Variants in KPNA6 observed in about 807,000 individuals in gnomAD.
KPNA6 encodes the protein importin subunit alpha-7.
Under a neutral mutation model 72.0 loss-of-function variants are expected in KPNA6, and 9 were observed. The ratio of observed to expected loss-of-function variants is 0.13; its 90% CI spans 0.08 to 0.22. The LOEUF (loss-of-function observed/expected upper bound fraction) is 0.22, where lower values mean the gene tolerates loss of function less well. Ranked by LOEUF, KPNA6 falls within the 10% of genes least tolerant of loss-of-function variation. The pLI is 1.00. For synonymous variants in KPNA6, 219 were observed against 242.1 expected, an observed-to-expected ratio of 0.90 and a Z score of 0.89; for missense variants, 374 against 655.7, an observed-to-expected ratio of 0.57 and a Z score of 4.69.
At chr1:32,153,129 A>G (rs1157494780) in intron 1 of KPNA6, among the ~76,000 whole-genome samples, 1 of 152,084 alleles carries the variant, frequency 6.6e-6, no homozygotes, top group Non-Finnish European at 1.5e-5. Flanking sequence ...GAGAAGACTC[A>G]ATGAAGCTAA....
chr1:32,145,228 G>T (rs996998837), intron 1 of KPNA6, among the ~76,000 whole-genome samples: 1 of 149,540 alleles, frequency 6.7e-6, no homozygotes, highest in African/African-American at 2.5e-5. Flanking sequence ...CAAAGTGCTG[G>T]GATTACAGAT....
At chr1:32,135,523 G>A (rs1641719015) in intron 1 of KPNA6, among the ~76,000 whole-genome samples, 1 of 150,780 alleles carries the variant, frequency 6.6e-6, no homozygotes, top group Admixed American at 6.6e-5. Context: ...TTTAGAGGCA[G>A]GGTCTAATTA....
intron 1 of KPNA6, among the ~76,000 whole-genome samples, chr1:32,133,708 A>G (rs1449099074): frequency 6.6e-6 from 1 of 151,966 alleles, no homozygotes; most frequent in Non-Finnish European, 1.5e-5. Context: ...ACAAAAAAGC[A>G]AAGTGCTGAA....
At position 32,148,647 on chromosome 1, in the gene KPNA6, T is replaced by TC. The variant is rs1446326892; in HGVS notation, c.5-5938dup. Among the ~76,000 whole-genome samples, 7 of 140,172 alleles carry TC rather than the reference T, an allele frequency of 5.0e-5. No individual in the cohort carries two copies. In the East Asian group the frequency reaches 1.4e-3, roughly 28 times the overall value. 92.0% of individuals were successfully genotyped at this position (140,172 alleles called of 152,430 possible). The stretch of plus-strand genomic sequence containing the variant: ...ATCTCGGCTCACTGCAACCTCCACC[T>TC]CCCGGGTTCAAGCAATTCTCCTGCC... On this transcript the variant is annotated intron_variant, in intron 1 of 13. Transcript: ENST00000373625.
intron 1 of KPNA6, among the ~76,000 whole-genome samples, chr1:32,153,571 C>CAAAAA (rs554895996): frequency 1.2e-4 from 7 of 60,468 alleles, no homozygotes; most frequent in African/African-American, 3.5e-4. Context: ...AACTCTGTCT[C>CAAAAA]AAAAAAAAAA....
At chr1:32,117,239 C>G (rs1641342719) in intron 1 of KPNA6, among the ~76,000 whole-genome samples, 1 of 151,084 alleles carries the variant, frequency 6.6e-6, no homozygotes, top group Admixed American at 6.6e-5. Context: ...GTGGCACGAT[C>G]TTGGCTCACT....
At chr1:32,154,473 G>T in intron 1 of KPNA6, 115 bp from the exon 2 acceptor site, 1 of 1,079,972 alleles carries the variant, frequency 9.3e-7, no homozygotes, top group Non-Finnish European at 1.3e-6. Context: ...AGCTCCCAGA[G>T]AGCTGTATTC....
At chr1:32,155,848 T>A (rs1553130201) in intron 2 of KPNA6, among the ~76,000 whole-genome samples, 1 of 151,344 alleles carries the variant, frequency 6.6e-6, no homozygotes, top group Non-Finnish European at 1.5e-5. Context: ...CAAGTGATCC[T>A]TCTTCCTCAG....
At chr1:32,134,040 C>T (rs1252504135) in intron 1 of KPNA6, among the ~76,000 whole-genome samples, 2 of 151,896 alleles carry the variant, frequency 1.3e-5, no homozygotes, top group African/African-American at 2.4e-5. Flanking sequence ...GTCAGTAGTT[C>T]GAGACCAGCC....
intron 1 of KPNA6, among the ~76,000 whole-genome samples, chr1:32,121,250 T>TA (rs1641428903): frequency 6.6e-6 from 1 of 152,142 alleles, no homozygotes; most frequent in African/African-American, 2.4e-5. Flanking sequence ...TGGTAGGGAA[T>TA]AAGAGAGTTA....
chr1:32,140,102 A>G (rs1322568948), intron 1 of KPNA6, among the ~76,000 whole-genome samples: 1 of 152,152 alleles, frequency 6.6e-6, no homozygotes, highest in African/African-American at 2.4e-5. Flanking sequence ...ATATAAGAAG[A>G]AGGTCCTGGG....
At chr1:32,140,892 A>G (rs1216139755) in intron 1 of KPNA6, among the ~76,000 whole-genome samples, 2 of 152,216 alleles carry the variant, frequency 1.3e-5, no homozygotes, top group African/African-American at 4.8e-5. Context: ...ATGTTTTCTT[A>G]TGGCATCTTT....
rs763949374 is a variant in KPNA6 at position 32,117,478 on chromosome 1, G to GTT, written c.4+9356_4+9357dup. Among the ~76,000 whole-genome samples, 276 of 140,688 alleles carry GTT rather than the reference G, an allele frequency of 2.0e-3. 2 individuals are homozygous for GTT. The highest frequency in any genetic ancestry group is 5.8e-3 in the African/African-American group (217 of 37,608). The allele number at this position is 140,688 out of a possible 152,430, so 92.3% of individuals were successfully genotyped here. A position where few individuals can be genotyped will look rare whatever the true frequency, so the allele number is the denominator to read the frequency against. On this transcript the variant is annotated intron_variant, in intron 1 of 13. Coordinates refer to ENST00000373625, the MANE Select transcript of KPNA6 (RefSeq NM_012316.5). Reference sequence around the variant, plus strand: ...TGAGCCACTGCGCCCGGCCCAATTTGTTTTTTTTTTTTTAAAAAAAACACA... The same window carrying GTT: ...TGAGCCACTGCGCCCGGCCCAATTTGTTTTTTTTTTTTTTTAAAAAAAACACA...
chr1:32,141,208 T>C (rs1444951333), intron 1 of KPNA6, among the ~76,000 whole-genome samples: 1 of 151,896 alleles, frequency 6.6e-6, no homozygotes, highest in East Asian at 1.9e-4. Context: ...GAGGGGAGGC[T>C]CAACAGTCAA....
At chr1:32,109,717 C>T (rs902767446) in intron 1 of KPNA6, among the ~76,000 whole-genome samples, 2 of 150,172 alleles carry the variant, frequency 1.3e-5, no homozygotes, top group African/African-American at 2.5e-5. Flanking sequence ...GATCTCGGCT[C>T]ACTGCAACTA....
At chr1:32,149,528 G>T (rs957238934) in intron 1 of KPNA6, among the ~76,000 whole-genome samples, 1 of 152,154 alleles carries the variant, frequency 6.6e-6, no homozygotes, top group African/African-American at 2.4e-5. Flanking sequence ...ACGCAGCTAG[G>T]AATGGTTTCT....
rs1003633264 is a variant in KPNA6 at position 32,158,252 on chromosome 1, T to C, written c.332-15T>C. The C allele has an allele frequency of 3.8e-6, 6 of 1,573,746 alleles. No individual in the cohort carries two copies. The African/African-American group carries it at 8.1e-5, about 21-fold the overall frequency. On this transcript the variant is annotated splice_polypyrimidine_tract_variant and intron_variant, in intron 4 of 13. Transcript: ENST00000373625. ...GCTTCTCCTGTGTTTTTATTTTCCC[T>C]TCTCCCTTATCCAGAGCCTAGTCCT...
chr1:32,161,373 T>C (rs988046195), intron 7 of KPNA6, among the ~76,000 whole-genome samples: 1 of 152,186 alleles, frequency 6.6e-6, no homozygotes, highest in African/African-American at 2.4e-5. Context: ...TGTCGTAAAT[T>C]ATAGATCAAA....
intron 1 of KPNA6, among the ~76,000 whole-genome samples, chr1:32,132,105 G>C (rs1327646036): frequency 2.0e-5 from 3 of 151,546 alleles, no homozygotes; most frequent in African/African-American, 7.3e-5. Flanking sequence ...CAAGTAGCTG[G>C]GATTACAGGT....
Sources: allele counts gnomAD v4.1 joint callset (sites outside exome capture counted in the v4.1 genomes callset), GRCh38; gene constraint gnomAD v4.1.1; transcripts MANE v1.5; gene names NCBI Gene and HGNC (gene_info 2026-07-23, HGNC 2026-07-21).